The following C6orf89 variants were observed in gnomAD, a reference collection of about 807,000 sequenced individuals.
C6orf89 encodes the protein chromosome 6 open reading frame 89, also known as bombesin receptor-activated protein C6orf89.
C6orf89 carries 29 observed loss-of-function variants against 40.7 expected under a neutral mutation model. The ratio of observed to expected loss-of-function variants is 0.71; its 90% CI spans 0.53 to 0.97. C6orf89 has a LOEUF of 0.97. Ranked by LOEUF, C6orf89 falls within the 50% of genes least tolerant of loss-of-function variation. The pLI is 0.00. For synonymous variants in C6orf89, 165 were observed against 152.2 expected (o/e 1.08, Z -0.62); for missense variants, 392 against 429.1 (o/e 0.91, Z 0.76).
chr6:36,889,017 A>T (rs778836994), intron 1 of C6orf89, among the ~76,000 whole-genome samples: 2 of 152,204 alleles, frequency 1.3e-5, no homozygotes, highest in Non-Finnish European at 2.9e-5. Context: ...CAGGTAGATA[A>T]ATGGGTCTTG....
At chr6:36,923,010 T>G (rs1762562992) in intron 8 of C6orf89, among the ~76,000 whole-genome samples, 1 of 152,070 alleles carries the variant, frequency 6.6e-6, no homozygotes, top group Admixed American at 6.5e-5. Context: ...ATACTTATGC[T>G]AGGAAGTGCC....
At chr6:36,884,291 G>T (rs1774903003), upstream of C6orf89, among the ~76,000 whole-genome samples, 1 of 152,100 alleles carries the variant, frequency 6.6e-6, no homozygotes, top group South Asian at 2.1e-4. This position sits in a 1 kb window ranked among gnomAD's most constrained non-coding sequence, Gnocchi z 4.0. Context: ...TAAATATCCA[G>T]TTGTAGGGGA....
In C6orf89 at chr6:36,899,680, G is replaced by C. The variant is rs761267207; in HGVS notation, c.189+47G>C. On this transcript the variant is annotated intron_variant, in intron 3 of 8. Coordinates refer to ENST00000480824, the MANE Select transcript of C6orf89 (RefSeq NM_001286635.2). ...TAATTGCTTCAACAGAACACAAACTGTTCAACATTCTTCACAAATGCTATT... is the reference window on the plus strand; with the variant it reads ...TAATTGCTTCAACAGAACACAAACTCTTCAACATTCTTCACAAATGCTATT... 5 of 1,548,782 alleles carry C rather than the reference G, an allele frequency of 3.2e-6. No individual in the cohort carries two copies. In the Admixed American group the frequency reaches 8.4e-5, roughly 26 times the overall value.
chr6:36,925,613 A>G lies in C6orf89; in HGVS notation c.*2172A>G, dbSNP rs539698413. 5 of 152,272 alleles carry G rather than the reference A, an allele frequency of 3.3e-5. No homozygotes were observed. The highest frequency in any genetic ancestry group is 5.9e-5 in the Non-Finnish European group (4 of 68,026). 9.4% of individuals were successfully genotyped at this position (152,272 alleles called of 1,614,324 possible). ...TCAGACTTGAATGTAAACTTGTATTAGGGGAAAATTCTCCAAAGAGGGTTT... is the reference window on the plus strand; with the variant it reads ...TCAGACTTGAATGTAAACTTGTATTGGGGGAAAATTCTCCAAAGAGGGTTT... On this transcript the variant is annotated 3_prime_UTR_variant, in exon 9 of 9. Transcript: ENST00000480824.
intron 1 of C6orf89, 100 bp downstream of exon 1, chr6:36,886,128 G>A (rs1583144202): frequency 3.8e-6 from 4 of 1,046,906 alleles, no homozygotes; most frequent in East Asian, 6.5e-5. Flanking sequence ...TCTCGCCGCT[G>A]CTACCACCCT....
intron 2 of C6orf89, among the ~76,000 whole-genome samples, chr6:36,898,602 A>G (rs79386875): frequency 0.03 from 4,518 of 152,248 alleles, 101 homozygotes; most frequent in Middle Eastern, 0.048. Context: ...ATTTCATTTT[A>G]CAAATGATAC....
At chr6:36,903,720 A>G (rs1761812818) in intron 4 of C6orf89, among the ~76,000 whole-genome samples, 5 of 152,182 alleles carry the variant, frequency 3.3e-5, no homozygotes. Flanking sequence ...CATAAAAATC[A>G]TCCCTTGGAT....
chr6:36,893,380 C>T (rs866243228), intron 1 of C6orf89, among the ~76,000 whole-genome samples: 5 of 152,124 alleles, frequency 3.3e-5, no homozygotes, highest in East Asian at 3.9e-4. Flanking sequence ...CAGTTTAGGA[C>T]GACTGATATA....
chr6:36,916,406 C>T (rs1034438109), intron 6 of C6orf89, 39 bp from the exon 7 acceptor site: 2 of 1,611,796 alleles, frequency 1.2e-6, no homozygotes, highest in Admixed American at 1.7e-5. Flanking sequence ...GCTGGCTTGA[C>T]CAGTTTAATT....
chr6:36,898,502 C>T (rs1301742519), intron 2 of C6orf89, among the ~76,000 whole-genome samples: 3 of 151,930 alleles, frequency 2.0e-5, no homozygotes, highest in South Asian at 4.1e-4. Context: ...TGGTCTTAAA[C>T]GCCGGACCTC....
At chr6:36,904,075 C>T (rs1761834321) in intron 4 of C6orf89, among the ~76,000 whole-genome samples, 1 of 152,184 alleles carries the variant, frequency 6.6e-6, no homozygotes, top group African/African-American at 2.4e-5. Flanking sequence ...ACACACCAGT[C>T]TCCTTTCCTG....
At chr6:36,894,454 C>A in intron 1 of C6orf89, 50 bp from the exon 2 acceptor site, 1 of 874,340 alleles carries the variant, frequency 1.1e-6, no homozygotes, top group Non-Finnish European at 1.4e-6. Flanking sequence ...GATCACAAAA[C>A]CAAGATGTGA....
intron 4 of C6orf89, among the ~76,000 whole-genome samples, chr6:36,910,372 G>T (rs1447013258): frequency 6.6e-6 from 1 of 152,086 alleles, no homozygotes; most frequent in African/African-American, 2.4e-5. Context: ...CATATAGATG[G>T]TCACTTGTCC....
At chr6:36,898,789 A>G (rs931226471) in intron 2 of C6orf89, among the ~76,000 whole-genome samples, 1 of 152,180 alleles carries the variant, frequency 6.6e-6, no homozygotes, top group African/African-American at 2.4e-5. Flanking sequence ...CTAAAATTGT[A>G]TTTGTAGAAA....
chr6:36,873,475 G>A (rs1325295414), intron 1 of C6orf89, among the ~76,000 whole-genome samples: 1 of 152,192 alleles, frequency 6.6e-6, no homozygotes, highest in African/African-American at 2.4e-5. Flanking sequence ...AAACATGAGA[G>A]AGGTTTATAT....
intron 1 of C6orf89, among the ~76,000 whole-genome samples, chr6:36,878,013 T>C (rs960508169): frequency 6.6e-6 from 1 of 152,254 alleles, no homozygotes; most frequent in African/African-American, 2.4e-5. Context: ...ACAGACATTA[T>C]TGGACATCTC....
At chr6:36,872,762 C>G (rs1186433258) in intron 1 of C6orf89, among the ~76,000 whole-genome samples, 1 of 152,168 alleles carries the variant, frequency 6.6e-6, no homozygotes, top group South Asian at 2.1e-4. Context: ...CATGCATCAC[C>G]AAGCTCAGCT....
intron 4 of C6orf89, among the ~76,000 whole-genome samples, chr6:36,912,745 G>GA (rs1430680636): frequency 1.3e-5 from 2 of 152,296 alleles, no homozygotes; most frequent in African/African-American, 4.8e-5. Context: ...AGGAAACACA[G>GA]ATACTATCTT....
At position 36,928,416 on chromosome 6, in the gene C6orf89, TACTC is replaced by T. The variant is rs141543177; in HGVS notation, c.*4978_*4981del. On this transcript the variant is annotated 3_prime_UTR_variant, in exon 9 of 9. Transcript: ENST00000480824. ...GGGGGCTCACCTGTGCAGCCACCCT[TACTC>T]ACAGTAGCATCCCATTCTTCACACT... 0.014 allele frequency: 2,126 copies of T among 152,824 alleles called. 40 individuals carry two copies. Among genetic ancestry groups the T allele is most frequent in the African/African-American group, 0.049 (2,022 of 41,542 alleles). The allele number at this position is 152,824 out of a possible 1,614,324, so 9.5% of individuals were successfully genotyped here. A position where few individuals can be genotyped will look rare whatever the true frequency, so the allele number is the denominator to read the frequency against.
Sources: gnomAD v4.1 joint callset for allele counts (sites outside exome capture counted in the v4.1 genomes callset) on GRCh38, gnomAD v4.1.1 for gene constraint, Gnocchi (gnomAD v3.1) non-coding constraint, MANE v1.5 for transcripts, NCBI Gene and HGNC (gene_info 2026-07-23, HGNC 2026-07-21) for gene names.